THADA: variants seen among roughly 807,000 people sequenced by gnomAD.
THADA encodes THADA armadillo repeat containing.
A neutral mutation model predicts 219.8 loss-of-function variants in THADA; 213 were observed. That is an observed-to-expected ratio of 0.97 (90% confidence interval 0.87 to 1.09). The LOEUF is 1.09. Ranked by LOEUF, THADA falls within the 50% of genes least tolerant of loss-of-function variation. The pLI is 0.00. For synonymous variants in THADA, 1,018 were observed against 828.9 expected (o/e 1.23, Z -3.92); for missense variants, 2,956 against 2,311.3 (o/e 1.28, Z -5.72).
intron 29 of THADA, among the ~76,000 whole-genome samples, chr2:43,358,714 C>G (rs1669148305): frequency 6.6e-6 from 1 of 152,176 alleles, no homozygotes. Flanking sequence ...GGCAACTGGA[C>G]TTAACTGTAC....
At chr2:43,542,378 T>C (rs1695440008) in intron 20 of THADA, among the ~76,000 whole-genome samples, 1 of 152,224 alleles carries the variant, frequency 6.6e-6, no homozygotes, top group Admixed American at 6.5e-5. Flanking sequence ...TTTGAAACTA[T>C]TACAATAGGC....
intron 8 of THADA, among the ~76,000 whole-genome samples, chr2:43,579,130 GA>G (rs1299477236): frequency 3.3e-5 from 5 of 152,096 alleles, no homozygotes. Context: ...GTGCCCGGCT[GA>G]ATATAAAGGC....
At chr2:43,455,910 G>A (rs770445137) in intron 26 of THADA, among the ~76,000 whole-genome samples, 1 of 152,182 alleles carries the variant, frequency 6.6e-6, no homozygotes, top group South Asian at 2.1e-4. Context: ...TGGTCAAAAC[G>A]TTGACCACAC....
intron 28 of THADA, among the ~76,000 whole-genome samples, chr2:43,423,654 G>C (rs568683695): frequency 3.8e-4 from 58 of 152,134 alleles, no homozygotes; most frequent in African/African-American, 1.3e-3. Flanking sequence ...GGATGGTCTC[G>C]ATCTCCTGAC....
intron 29 of THADA, among the ~76,000 whole-genome samples, chr2:43,379,385 T>C (rs2104649368): frequency 6.6e-6 from 1 of 151,966 alleles, no homozygotes; most frequent in African/African-American, 2.4e-5. Flanking sequence ...AAATAGAAAA[T>C]GTGAAATAAT....
At chr2:43,296,077 G>A (rs1049409665) in intron 31 of THADA, among the ~76,000 whole-genome samples, 3 of 151,136 alleles carry the variant, frequency 2.0e-5, no homozygotes, top group Non-Finnish European at 4.4e-5. Flanking sequence ...ATGCCACCAC[G>A]CCTGGCTAAT....
intron 29 of THADA, among the ~76,000 whole-genome samples, chr2:43,371,039 A>C (rs974484673): frequency 1.3e-5 from 2 of 152,368 alleles, no homozygotes; most frequent in Admixed American, 1.3e-4. Flanking sequence ...TCTGCTTTGA[A>C]GTGAACACTG....
intron 29 of THADA, among the ~76,000 whole-genome samples, chr2:43,397,467 A>C (rs1674219338): frequency 1.3e-5 from 2 of 152,178 alleles, no homozygotes; most frequent in Admixed American, 1.3e-4. Flanking sequence ...ACATTTATTC[A>C]AAGTAATAAG....
intron 30 of THADA, among the ~76,000 whole-genome samples, chr2:43,331,729 C>G (rs1268567394): frequency 6.6e-6 from 1 of 152,162 alleles, no homozygotes; most frequent in Non-Finnish European, 1.5e-5. Flanking sequence ...CCAAATCACA[C>G]TCTGCTCTAC....
At chr2:43,286,558 T>C (rs894946832) in intron 35 of THADA, among the ~76,000 whole-genome samples, 3 of 151,986 alleles carry the variant, frequency 2.0e-5, no homozygotes, top group Non-Finnish European at 4.4e-5. Context: ...CTGGCCAATA[T>C]GGTGAAAACT....
intron 28 of THADA, among the ~76,000 whole-genome samples, chr2:43,422,296 A>T (rs1376070236): frequency 6.6e-6 from 1 of 152,210 alleles, no homozygotes; most frequent in East Asian, 1.9e-4. Flanking sequence ...CAGTCTCTCA[A>T]GTATATAAAG....
intron 8 of THADA, among the ~76,000 whole-genome samples, chr2:43,580,954 C>G (rs1179322769): frequency 6.6e-6 from 1 of 151,846 alleles, no homozygotes; most frequent in African/African-American, 2.4e-5. Context: ...AAACCAGAGT[C>G]AGTTATTGTT....
At chr2:43,474,033 A>G (rs1433290817) in intron 26 of THADA, among the ~76,000 whole-genome samples, 1 of 152,234 alleles carries the variant, frequency 6.6e-6, no homozygotes, top group African/African-American at 2.4e-5. Flanking sequence ...CAGCTCCACT[A>G]TAATCTTATG....
chr2:43,284,452 G>C (rs560513235), intron 35 of THADA, among the ~76,000 whole-genome samples: 8 of 152,336 alleles, frequency 5.3e-5, no homozygotes, highest in African/African-American at 1.9e-4. Flanking sequence ...CCAAGCCTTG[G>C]TGGCTTTCAT....
At chr2:43,533,937 A>T (rs1022945240) in intron 21 of THADA, among the ~76,000 whole-genome samples, 1 of 152,214 alleles carries the variant, frequency 6.6e-6, no homozygotes, top group African/African-American at 2.4e-5. Context: ...TCTTGTTTGC[A>T]GGTGACATTA....
At chr2:43,448,585 T>G (rs1246884077) in intron 26 of THADA, among the ~76,000 whole-genome samples, 4 of 150,706 alleles carry the variant, frequency 2.7e-5, no homozygotes, top group Non-Finnish European at 4.4e-5. Context: ...TTTTTGCTTT[T>G]ATTTTCTTCT....
intron 26 of THADA, among the ~76,000 whole-genome samples, chr2:43,455,656 A>C (rs1682901628): frequency 6.6e-6 from 1 of 152,240 alleles, no homozygotes; most frequent in South Asian, 2.1e-4. Context: ...ACACAAGAGA[A>C]GCCTATCCTG....
At chr2:43,267,427 T>C (rs1428840207) in intron 36 of THADA, among the ~76,000 whole-genome samples, 2 of 152,198 alleles carry the variant, frequency 1.3e-5, no homozygotes, top group Non-Finnish European at 2.9e-5. Flanking sequence ...AATAAGAAGA[T>C]GGCAGATTGC....
intron 36 of THADA, among the ~76,000 whole-genome samples, chr2:43,266,705 A>T (rs1339329147): frequency 1.3e-5 from 2 of 152,194 alleles, no homozygotes; most frequent in Non-Finnish European, 2.9e-5. Flanking sequence ...CTAAAGAATG[A>T]GCAATGTAAG....
Sources: allele counts gnomAD v4.1 joint callset (sites outside exome capture counted in the v4.1 genomes callset), GRCh38; gene constraint gnomAD v4.1.1; transcripts MANE v1.5; gene names NCBI Gene and HGNC (gene_info 2026-07-23, HGNC 2026-07-21).